ANXA4: variants seen among roughly 807,000 people sequenced by gnomAD.
The protein encoded by ANXA4 is annexin A4, also known as 35-beta calcimedin.
A neutral mutation model predicts 49.8 loss-of-function variants in ANXA4; 39 were observed. The ratio of observed to expected loss-of-function variants is 0.78; its 90% confidence interval spans 0.61 to 1.02. The LOEUF (loss-of-function observed/expected upper bound fraction) is 1.02, where lower values mean the gene tolerates loss of function less well. ANXA4 is among the 50% of genes least tolerant of loss of function. ANXA4 has a pLI of 0.00. For missense variants in ANXA4, 360 were observed against 410.1 expected (o/e 0.88, Z 1.05); for synonymous variants, 134 against 152.5 (o/e 0.88, Z 0.89).
intron 2 of ANXA4, among the ~76,000 whole-genome samples, chr2:69,782,336 T>A (rs975664295): frequency 2.0e-5 from 3 of 152,176 alleles, no homozygotes; most frequent in African/African-American, 7.2e-5. Context: ...AAGTAAACTA[T>A]CCTGAACAAA....
At chr2:69,821,167 T>C (rs1674230215) in intron 12 of ANXA4, among the ~76,000 whole-genome samples, 1 of 152,202 alleles carries the variant, frequency 6.6e-6, no homozygotes, top group South Asian at 2.1e-4. Context: ...TGAGGTCTGC[T>C]GGGAATATGG....
At chr2:69,818,842 AAATAT>A in intron 10 of ANXA4, 148 bp downstream of exon 10, 1 of 592,718 alleles carries the variant, frequency 1.7e-6, no homozygotes, top group Non-Finnish European at 3.0e-6. Context: ...TTTAAACAAG[AAATAT>A]TATATACAAC....
At chr2:69,724,504 C>T (rs1669907103) in intron 3 of ANXA4, among the ~76,000 whole-genome samples, 1 of 152,202 alleles carries the variant, frequency 6.6e-6, no homozygotes, top group Non-Finnish European at 1.5e-5. Flanking sequence ...CCAGCTGTCA[C>T]CATTACTGTC....
intron 2 of ANXA4, among the ~76,000 whole-genome samples, chr2:69,716,132 CATA>C (rs1418628463): frequency 2.6e-5 from 4 of 152,142 alleles, no homozygotes; most frequent in African/African-American, 9.7e-5. Flanking sequence ...GAGACCAACT[CATA>C]ATAAGAAGCC....
intron 2 of ANXA4, among the ~76,000 whole-genome samples, chr2:69,691,567 ACACATG>A (rs1677967193): frequency 1.8e-4 from 9 of 49,802 alleles, no homozygotes; most frequent in East Asian, 7.0e-4. Flanking sequence ...ACACACACAC[ACACATG>A]CACACACACA....
At chr2:69,799,028 TA>T (rs1673072353) in intron 3 of ANXA4, among the ~76,000 whole-genome samples, 1 of 152,182 alleles carries the variant, frequency 6.6e-6, no homozygotes, top group Non-Finnish European at 1.5e-5. Context: ...AGGGTTTTTA[TA>T]AATGGTCTAG....
intron 2 of ANXA4, among the ~76,000 whole-genome samples, chr2:69,677,206 C>T (rs1677442171): frequency 6.6e-6 from 1 of 152,074 alleles, no homozygotes; most frequent in Non-Finnish European, 1.5e-5. Context: ...TATCATATCT[C>T]TTTAAGTTAT....
chr2:69,786,940 G>T lies in ANXA4; in HGVS notation c.10-1114G>T, dbSNP rs182613518. On this transcript the variant is annotated intron_variant, in intron 2 of 12. Transcript: ENST00000394295. ...AGGTTTCACCATGTTGCCCAGTCTG[G>T]TCTCAAACTCCTGGGCTCAAGAGAT... Among the ~76,000 whole-genome samples, 26 of 152,174 alleles carry T rather than the reference G, an allele frequency of 1.7e-4. No homozygotes were observed. In the East Asian group the frequency reaches 4.1e-3, roughly 24 times the overall value.
intron 2 of ANXA4, among the ~76,000 whole-genome samples, chr2:69,718,953 A>G (rs530642008): frequency 6.6e-6 from 1 of 150,764 alleles, no homozygotes; most frequent in African/African-American, 2.4e-5. Context: ...TTTTCCTGAT[A>G]TTCCAAGTCT....
intron 3 of ANXA4, among the ~76,000 whole-genome samples, chr2:69,732,223 C>T (rs568123933): frequency 9.3e-5 from 14 of 151,298 alleles, no homozygotes; most frequent in Admixed American, 7.9e-4. Context: ...GTGATCCGGC[C>T]GCCTCGGCCT....
chr2:69,651,390 T>C (rs1305654730), intron 1 of ANXA4, among the ~76,000 whole-genome samples: 1 of 152,216 alleles, frequency 6.6e-6, no homozygotes, highest in African/African-American at 2.4e-5. Flanking sequence ...GAGATTTTCA[T>C]TACCTTGTCT....
chr2:69,810,518 C>T, intron 6 of ANXA4, 76 bp from the exon 7 acceptor site: 2 of 1,235,926 alleles, frequency 1.6e-6, no homozygotes, highest in Non-Finnish European at 2.4e-6. Context: ...CTTGAGGGGA[C>T]AGATTGCTCT....
chr2:69,667,060 TAATAA>T (rs1169808688), intron 2 of ANXA4, among the ~76,000 whole-genome samples: 3 of 150,486 alleles, frequency 2.0e-5, no homozygotes, highest in Non-Finnish European at 1.5e-5. Context: ...TAAAATAAAA[TAATAA>T]AATAAAATGA....
chr2:69,737,637 AC>A (rs1185397690), upstream of ANXA4, among the ~76,000 whole-genome samples: 4 of 152,082 alleles, frequency 2.6e-5, no homozygotes, highest in Non-Finnish European at 5.9e-5. Context: ...TCGCTATGTC[AC>A]CCAGGCTAGA....
intron 2 of ANXA4, among the ~76,000 whole-genome samples, chr2:69,664,615 A>G (rs1190996775): frequency 2.0e-5 from 3 of 152,248 alleles, no homozygotes; most frequent in South Asian, 4.1e-4. Context: ...TACAATTGTT[A>G]TTAATTCAAC....
chr2:69,656,592 C>T (rs1676507423), intron 2 of ANXA4, among the ~76,000 whole-genome samples: 1 of 145,284 alleles, frequency 6.9e-6, no homozygotes, highest in East Asian at 2.0e-4. Context: ...TTGCTCTATC[C>T]CCCAGGATGG....
chr2:69,643,995 G>C, upstream of ANXA4: 1 of 642,572 alleles, frequency 1.6e-6, no homozygotes, highest in Non-Finnish European at 2.0e-6. Flanking sequence ...GGGAAAGGTA[G>C]CTCGGCACAG....
intron 1 of ANXA4, among the ~76,000 whole-genome samples, chr2:69,761,041 T>C (rs1220129740): frequency 6.6e-6 from 1 of 151,368 alleles, no homozygotes; most frequent in Non-Finnish European, 1.5e-5. Flanking sequence ...TAAATAAATA[T>C]AAAGTAAGCC....
intron 11 of ANXA4, among the ~76,000 whole-genome samples, chr2:69,820,478 G>A (rs543906172): frequency 1.3e-5 from 2 of 152,168 alleles, no homozygotes; most frequent in South Asian, 2.1e-4. Flanking sequence ...AGAAAAGCAG[G>A]GAACGGCATC....
Sources: allele counts gnomAD v4.1 joint callset (sites outside exome capture counted in the v4.1 genomes callset), GRCh38; gene constraint gnomAD v4.1.1; transcripts MANE v1.5; gene names NCBI Gene and HGNC (gene_info 2026-07-23, HGNC 2026-07-21).